NIPBL: variants seen among roughly 807,000 people sequenced by gnomAD.
NIPBL encodes NIPBL cohesin loading factor, also known as nipped-B-like protein.
A neutral mutation model predicts 321.8 loss-of-function variants in NIPBL; 19 were observed. That is an observed-to-expected ratio of 0.06 (90% CI 0.04 to 0.09). The LOEUF (loss-of-function observed/expected upper bound fraction) is 0.09, where lower values mean the gene tolerates loss of function less well. Among genes scored for constraint, NIPBL ranks in the 10% least tolerant of loss-of-function variants. The probability of loss-of-function intolerance (pLI) is 1.00; values close to 1 mark genes in which losing one functional copy is unlikely to be tolerated. For synonymous variants in NIPBL, 1,106 were observed against 1,114.1 expected (o/e 0.99, Z 0.14); for missense variants, 2,210 against 3,327.0 (o/e 0.66, Z 8.26).
intron 10 of NIPBL, among the ~76,000 whole-genome samples, chr5:36,990,631 G>A (rs533245663): frequency 6.7e-4 from 102 of 152,170 alleles, no homozygotes; most frequent in African/African-American, 2.1e-3. Flanking sequence ...TACAGAAGTT[G>A]GCATAATCTG....
chr5:37,058,059 T>C (rs1036599075), intron 43 of NIPBL, among the ~76,000 whole-genome samples: 1 of 152,170 alleles, frequency 6.6e-6, no homozygotes, highest in Non-Finnish European at 1.5e-5. Context: ...GGGCTGGAAT[T>C]ACAGAGGTGT....
intron 1 of NIPBL, among the ~76,000 whole-genome samples, chr5:36,953,191 C>G (rs1740594260): frequency 6.6e-6 from 1 of 152,068 alleles, no homozygotes; most frequent in Admixed American, 6.6e-5. Context: ...CAAGTTGAAG[C>G]TAGATTATGA....
At chr5:37,017,223 T>G in intron 24 of NIPBL, 61 bp downstream of exon 24, 2 of 1,460,314 alleles carry the variant, frequency 1.4e-6, no homozygotes, top group Non-Finnish European at 1.9e-6. Context: ...TTGCATGTCC[T>G]TACATTAGTT....
At chr5:36,917,915 G>T (rs1325405979) in intron 1 of NIPBL, among the ~76,000 whole-genome samples, 16 of 151,776 alleles carry the variant, frequency 1.1e-4, no homozygotes, top group Non-Finnish European at 1.6e-4. Flanking sequence ...CATGCTGTTT[G>T]GGTTACTGTA....
intron 21 of NIPBL, among the ~76,000 whole-genome samples, chr5:37,011,341 AGG>A (rs1328781519): frequency 1.3e-5 from 2 of 152,194 alleles, no homozygotes; most frequent in African/African-American, 4.8e-5. Flanking sequence ...AGATTGCTTG[AGG>A]CCAGGAGTTC....
At chr5:36,894,475 A>G (rs1561356817) in intron 1 of NIPBL, among the ~76,000 whole-genome samples, 1 of 152,182 alleles carries the variant, frequency 6.6e-6, no homozygotes, top group African/African-American at 2.4e-5. Flanking sequence ...AAATACATAT[A>G]TACATATAAT....
chr5:37,044,803 G>C, intron 36 of NIPBL, 74 bp downstream of exon 36: 1 of 1,035,776 alleles, frequency 9.7e-7, no homozygotes, highest in Non-Finnish European at 1.5e-6. Flanking sequence ...AAACACATTT[G>C]ATAAAAGGCT....
At chr5:36,930,710 GC>G (rs1367091350) in intron 1 of NIPBL, among the ~76,000 whole-genome samples, 1 of 152,006 alleles carries the variant, frequency 6.6e-6, no homozygotes, top group East Asian at 1.9e-4. Flanking sequence ...TTGAAGAAGA[GC>G]CTTTTTATTT....
At chr5:37,005,658 A>G (rs1028037897) in intron 16 of NIPBL, among the ~76,000 whole-genome samples, 16 of 152,166 alleles carry the variant, frequency 1.1e-4, no homozygotes, top group African/African-American at 3.9e-4. Context: ...TTCCTAGGGT[A>G]TAAGCTTTGA....
chr5:36,971,264 A>AT (rs1262965854), intron 7 of NIPBL, among the ~76,000 whole-genome samples: 7 of 128,926 alleles, frequency 5.4e-5, no homozygotes, highest in Admixed American at 1.6e-4. Context: ...ATAAAGAGTT[A>AT]TTTAAAAAAA....
intron 1 of NIPBL, among the ~76,000 whole-genome samples, chr5:36,880,660 G>A (rs953744204): frequency 1.3e-5 from 2 of 152,024 alleles, no homozygotes; most frequent in African/African-American, 4.8e-5. Context: ...TACTAGGTTA[G>A]GTTTGGTGGT....
rs893785175 is a variant in NIPBL, at chr5:36,883,215, T to C, written c.-80+6037T>C. On this transcript the variant is annotated intron_variant, in intron 1 of 46. Coordinates refer to ENST00000282516, the MANE Select transcript of NIPBL (RefSeq NM_133433.4). ...TGCATTGAATTTTCAAAATAATTCA[T>C]GTAGGTAAATTGCTTTGCCATCTTA... Among the ~76,000 whole-genome samples the C allele has an allele frequency of 2.6e-5, 4 of 152,096 alleles. No homozygotes were observed. In the East Asian group the frequency reaches 7.7e-4, roughly 29 times the overall value.
At position 37,020,850 on chromosome 5, in the gene NIPBL, C is replaced by G; in HGVS notation, c.5301C>G (p.Ala1767=). Reference sequence around the variant, plus strand: ...ACTTGGCCTCCATGAGGCCGTTTGCCCAGAGCTTTGATATTTATTTGACAC... The same window carrying G: ...ACTTGGCCTCCATGAGGCCGTTTGCGCAGAGCTTTGATATTTATTTGACAC... ...VRYLASMRPF[A]QSFDIYLTQI... is the part of the protein sequence containing the mutation. Residue 1767 remains alanine, a synonymous_variant, in exon 27 of 47, where the codon GCC becomes GCG. Coordinates refer to ENST00000282516, the MANE Select transcript of NIPBL (RefSeq NM_133433.4). The G allele has an allele frequency of 1.2e-6, 2 of 1,613,388 alleles. No homozygotes were observed. Among genetic ancestry groups the G allele is most frequent in the Non-Finnish European group, 1.7e-6 (2 of 1,179,426 alleles).
chr5:37,029,340 T>C (rs1750688536), intron 32 of NIPBL, among the ~76,000 whole-genome samples: 1 of 152,250 alleles, frequency 6.6e-6, no homozygotes, highest in African/African-American at 2.4e-5. Context: ...ATACAGTATG[T>C]AATCTTGTGT....
At chr5:37,044,832 A>C in intron 36 of NIPBL, 103 bp downstream of exon 36, 1 of 809,090 alleles carries the variant, frequency 1.2e-6, no homozygotes, top group Non-Finnish European at 2.1e-6. Context: ...GGAAATTATG[A>C]GGTGTGATTA....
chr5:36,886,269 G>A, intron 1 of NIPBL: 5 of 669,726 alleles, frequency 7.5e-6, no homozygotes, highest in South Asian at 7.4e-5. Context: ...CCCAGGCAGA[G>A]GGGCAGCACC....
intron 1 of NIPBL, among the ~76,000 whole-genome samples, chr5:36,900,844 T>G (rs1450884018): frequency 2.6e-5 from 4 of 152,232 alleles, no homozygotes; most frequent in Admixed American, 6.5e-5. Context: ...AGTAAGTTCC[T>G]GTTCATTCTT....
intron 1 of NIPBL, among the ~76,000 whole-genome samples, chr5:36,912,501 A>AT (rs773223714): frequency 0.043 from 5,843 of 136,840 alleles, 197 homozygotes; most frequent in African/African-American, 0.094. Context: ...TGTATTACTG[A>AT]TTTTTTTTTT....
At chr5:36,920,898 A>C (rs1044270974) in intron 1 of NIPBL, among the ~76,000 whole-genome samples, 2 of 149,144 alleles carry the variant, frequency 1.3e-5, no homozygotes, top group African/African-American at 5.0e-5. Flanking sequence ...TATAGTTGTC[A>C]CTTTCTTCTA....
Sources: allele counts gnomAD v4.1 joint callset (sites outside exome capture counted in the v4.1 genomes callset), GRCh38; gene constraint gnomAD v4.1.1; transcripts MANE v1.5; gene names NCBI Gene and HGNC (gene_info 2026-07-23, HGNC 2026-07-21).